The following RIPOR3 variants were observed in gnomAD, a reference collection of about 807,000 sequenced individuals.
The protein encoded by RIPOR3 is RIPOR family member 3, also known as family with sequence similarity 65 member C.
In RIPOR3, 95 loss-of-function variants were observed where a neutral mutation model predicts 114.3. The ratio of observed to expected loss-of-function variants is 0.83; its 90% CI spans 0.70 to 0.99. The LOEUF is 0.99. RIPOR3 is among the 50% of genes least tolerant of loss of function. The probability of loss-of-function intolerance (pLI) is 0.00; values close to 1 mark genes in which losing one functional copy is unlikely to be tolerated. For missense variants in RIPOR3, 1,252 were observed against 1,266.9 expected, an observed-to-expected ratio of 0.99 and a Z score of 0.18; for synonymous variants, 575 against 543.8, an observed-to-expected ratio of 1.06 and a Z score of -0.80.
At chr20:50,634,394 C>A (rs1489490056) in intron 1 of RIPOR3, among the ~76,000 whole-genome samples, 1 of 152,112 alleles carries the variant, frequency 6.6e-6, no homozygotes, top group Non-Finnish European at 1.5e-5. Flanking sequence ...GATGTCCCCT[C>A]CCCCAGGAAG....
intron 1 of RIPOR3, among the ~76,000 whole-genome samples, chr20:50,681,471 C>A (rs1049210493): frequency 6.6e-5 from 10 of 152,114 alleles, no homozygotes; most frequent in African/African-American, 1.9e-4. Flanking sequence ...GCAGCATAAA[C>A]CTTGGACGAA....
chr20:50,651,674 G>GA (rs2085619282), intron 1 of RIPOR3, among the ~76,000 whole-genome samples: 1 of 152,172 alleles, frequency 6.6e-6, no homozygotes, highest in South Asian at 2.1e-4. Flanking sequence ...CCTCATCTGT[G>GA]AAATAGCAGT....
rs144973424 is a variant in RIPOR3, at chr20:50,605,650, C to T, written c.957-876G>A. On this transcript the variant is annotated intron_variant, in intron 11 of 21. Coordinates refer to ENST00000327979, the MANE Select transcript of RIPOR3 (RefSeq NM_001290268.2). ...CTGGGCTAATGTGGTGACCAACAGACACTTGTAGTCCCAGCTACTCAGGAG... is the reference window on the plus strand; with the variant it reads ...CTGGGCTAATGTGGTGACCAACAGATACTTGTAGTCCCAGCTACTCAGGAG... 3.0e-3 allele frequency among the ~76,000 whole-genome samples: 462 copies of T among 152,034 alleles called. 3 individuals are homozygous for T. The highest frequency in any genetic ancestry group is 0.011 in the African/African-American group (443 of 41,488).
At chr20:50,651,344 G>T (rs565842295) in intron 1 of RIPOR3, among the ~76,000 whole-genome samples, 3 of 152,316 alleles carry the variant, frequency 2.0e-5, no homozygotes, top group African/African-American at 7.2e-5. Context: ...CCAACATCTT[G>T]CATTTCAGCC....
intron 11 of RIPOR3, among the ~76,000 whole-genome samples, chr20:50,608,145 G>A (rs1279199826): frequency 1.3e-5 from 2 of 152,212 alleles, no homozygotes; most frequent in Admixed American, 6.5e-5. Flanking sequence ...AACCTTCCCT[G>A]TGGCTTTAAT....
chr20:50,612,025 T>C (rs536803962), intron 4 of RIPOR3, among the ~76,000 whole-genome samples: 65 of 150,596 alleles, frequency 4.3e-4, no homozygotes, highest in Middle Eastern at 3.4e-3. Context: ...TTGCCAGACT[T>C]GAGGCAGGAG....
intron 2 of RIPOR3, among the ~76,000 whole-genome samples, chr20:50,627,028 A>G (rs1196284825): frequency 6.6e-6 from 1 of 151,628 alleles, no homozygotes; most frequent in Non-Finnish European, 1.5e-5. Context: ...AAAAAAAAAA[A>G]AAAAAATAGC....
At chr20:50,671,410 G>A (rs886111212) in intron 1 of RIPOR3, among the ~76,000 whole-genome samples, 5 of 94,458 alleles carry the variant, frequency 5.3e-5, no homozygotes, top group African/African-American at 7.8e-5. Flanking sequence ...ATGAGCACGC[G>A]CGCGTGCACG....
intron 1 of RIPOR3, among the ~76,000 whole-genome samples, chr20:50,671,727 G>C (rs1293431084): frequency 6.6e-6 from 1 of 152,082 alleles, no homozygotes; most frequent in Non-Finnish European, 1.5e-5. Flanking sequence ...TGGATGGGTA[G>C]ATGGGTAGAT....
At chr20:50,612,547 G>A (rs2123093825) in intron 4 of RIPOR3, among the ~76,000 whole-genome samples, 1 of 152,270 alleles carries the variant, frequency 6.6e-6, no homozygotes, top group Non-Finnish European at 1.5e-5. Context: ...AGCTGTAGGA[G>A]AGTATGTAAA....
At chr20:50,630,388 T>G (rs1451020744) in intron 2 of RIPOR3, among the ~76,000 whole-genome samples, 1 of 152,140 alleles carries the variant, frequency 6.6e-6, no homozygotes, top group Non-Finnish European at 1.5e-5. Context: ...AGTGCTGGGA[T>G]TATAGGCGTG....
At chr20:50,645,185 C>T (rs1267462279) in intron 1 of RIPOR3, among the ~76,000 whole-genome samples, 1 of 152,180 alleles carries the variant, frequency 6.6e-6, no homozygotes, top group Non-Finnish European at 1.5e-5. Context: ...ATCCCAGCAG[C>T]CAGCTCCAGA....
chr20:50,589,307 CT>C (rs1241590522), intron 20 of RIPOR3, among the ~76,000 whole-genome samples: 6,284 of 137,596 alleles, frequency 0.046, 202 homozygotes, highest in African/African-American at 0.1. Flanking sequence ...TATTTTGTAA[CT>C]TTTTTTTTTT....
intron 2 of RIPOR3, among the ~76,000 whole-genome samples, chr20:50,624,401 A>T (rs1229178541): frequency 6.6e-6 from 1 of 152,110 alleles, no homozygotes; most frequent in Non-Finnish European, 1.5e-5. Context: ...AGCCCCCAAC[A>T]GGTGTGCACC....
rs753233339 is a variant in RIPOR3 at position 50,608,597 on chromosome 20, C to G, written c.810+16G>C. The G allele has an allele frequency of 1.2e-6, 2 of 1,613,692 alleles. No individual in the cohort carries two copies. Among genetic ancestry groups the G allele is most frequent in the African/African-American group, 1.3e-5 (1 of 74,926 alleles). ...CACCCAGGCACCCCAGCCCTGCCCC[C>G]GGGCCCCATCCCCACCTTGATGTCC... On this transcript the variant is annotated intron_variant, in intron 10 of 21. Coordinates refer to ENST00000327979, the MANE Select transcript of RIPOR3 (RefSeq NM_001290268.2).
At chr20:50,681,598 G>C (rs193060108) in intron 1 of RIPOR3, among the ~76,000 whole-genome samples, 1 of 152,172 alleles carries the variant, frequency 6.6e-6, no homozygotes, top group Non-Finnish European at 1.5e-5. Context: ...GCTTCTAAGG[G>C]CACCTCCATT....
At position 50,610,838 on chromosome 20, in the gene RIPOR3, C is replaced by T. The variant is rs2083949895; in HGVS notation, c.426+15G>A. 1 of 1,614,090 alleles carries T rather than the reference C, an allele frequency of 6.2e-7. No individual in the cohort carries two copies. Among genetic ancestry groups the T allele is most frequent in the Non-Finnish European group, 8.5e-7 (1 of 1,180,042 alleles). Reference sequence around the variant, plus strand: ...CTGCCCCACCCCACCCTGCAACATCCACGAGCCAGCTGACCTTGCTGATGT... The same window carrying T: ...CTGCCCCACCCCACCCTGCAACATCTACGAGCCAGCTGACCTTGCTGATGT... On this transcript the variant is annotated intron_variant, in intron 6 of 21. Transcript: ENST00000327979.
At chr20:50,601,976 G>A (rs951501620) in intron 13 of RIPOR3, 96 bp downstream of exon 13, 34 of 1,239,008 alleles carry the variant, frequency 2.7e-5, no homozygotes, top group Middle Eastern at 5.7e-4. Flanking sequence ...GTGAGGCCAG[G>A]ATGTCGGCCC....
intron 19 of RIPOR3, among the ~76,000 whole-genome samples, chr20:50,591,662 G>T (rs140985102): frequency 1.3e-5 from 2 of 152,186 alleles, no homozygotes; most frequent in Non-Finnish European, 2.9e-5. Context: ...AGGGTGTGGC[G>T]CCTTAAACGT....
Sources: gnomAD v4.1 joint callset for allele counts (sites outside exome capture counted in the v4.1 genomes callset) on GRCh38, gnomAD v4.1.1 for gene constraint, MANE v1.5 for transcripts, NCBI Gene and HGNC (gene_info 2026-07-23, HGNC 2026-07-21) for gene names.